The following NAPEPLD variants were observed in gnomAD, a reference collection of about 807,000 sequenced individuals.
The protein encoded by NAPEPLD is N-acyl-phosphatidylethanolamine-hydrolyzing phospholipase D.
A neutral mutation model predicts 38.1 loss-of-function variants in NAPEPLD; 23 were observed. The observed-to-expected ratio is 0.60, with a 90% CI of 0.43 to 0.86. NAPEPLD has a LOEUF of 0.86. NAPEPLD is among the 40% of genes least tolerant of loss of function. NAPEPLD has a pLI of 0.00. For synonymous variants in NAPEPLD, 147 were observed against 162.0 expected (o/e 0.91, Z 0.71); for missense variants, 411 against 476.8 (o/e 0.86, Z 1.28).
chr7:103,128,442 T>C, intron 2 of NAPEPLD, 41 bp downstream of exon 2: 2 of 1,602,318 alleles, frequency 1.2e-6, no homozygotes, highest in Non-Finnish European at 1.7e-6. Context: ...GTGTCATATA[T>C]GAAGAGCAAA....
At chr7:103,106,364 C>A (rs1355949169) in intron 4 of NAPEPLD, among the ~76,000 whole-genome samples, 1 of 148,284 alleles carries the variant, frequency 6.7e-6, no homozygotes. Context: ...TTTTTTTTTT[C>A]ATACCCCAGT....
At chr7:103,134,070 A>G (rs1415469446) in intron 1 of NAPEPLD, among the ~76,000 whole-genome samples, 2 of 152,248 alleles carry the variant, frequency 1.3e-5, no homozygotes, top group African/African-American at 4.8e-5. Context: ...TATACATGAC[A>G]TATAGTGATA....
At chr7:103,107,510 G>T (rs1803614989) in intron 4 of NAPEPLD, among the ~76,000 whole-genome samples, 2 of 152,046 alleles carry the variant, frequency 1.3e-5, no homozygotes, top group Non-Finnish European at 2.9e-5. Flanking sequence ...TTGAAAAAAG[G>T]TTAGACAAAT....
chr7:103,130,949 G>A (rs1330988065), intron 1 of NAPEPLD, among the ~76,000 whole-genome samples: 1 of 152,008 alleles, frequency 6.6e-6, no homozygotes, highest in African/African-American at 2.4e-5. Context: ...CACTTTTTCT[G>A]GGTTATAATT....
chr7:103,142,269 G>T (rs1811567635), intron 1 of NAPEPLD, among the ~76,000 whole-genome samples: 1 of 151,886 alleles, frequency 6.6e-6, no homozygotes, highest in South Asian at 2.1e-4. Context: ...TCCTGAAACT[G>T]CTATACAGTG....
chr7:103,149,936 C>G (rs116118147), upstream of NAPEPLD, among the ~76,000 whole-genome samples: 8,598 of 152,130 alleles, frequency 0.057, 343 homozygotes, highest in African/African-American at 0.11. Context: ...TTGTACAGTA[C>G]GTATTGAATA....
chr7:103,111,430 G>C (rs911706600), intron 4 of NAPEPLD, among the ~76,000 whole-genome samples: 5 of 152,156 alleles, frequency 3.3e-5, no homozygotes, highest in Non-Finnish European at 5.9e-5. Flanking sequence ...CAATGGAACA[G>C]AACAGAGGCC....
intron 4 of NAPEPLD, among the ~76,000 whole-genome samples, chr7:103,104,617 T>G (rs1480278597): frequency 6.6e-6 from 1 of 152,258 alleles, no homozygotes; most frequent in African/African-American, 2.4e-5. Context: ...TTCAACTGAC[T>G]ACTGAGTAAG....
At chr7:103,106,772 CT>C (rs1401193093) in intron 4 of NAPEPLD, among the ~76,000 whole-genome samples, 2 of 150,802 alleles carry the variant, frequency 1.3e-5, no homozygotes, top group African/African-American at 4.9e-5. Flanking sequence ...ATAAATAAAA[CT>C]CCCATCTCCC....
chr7:103,137,805 G>C (rs1336096799), intron 1 of NAPEPLD, among the ~76,000 whole-genome samples: 1 of 101,754 alleles, frequency 9.8e-6, no homozygotes, highest in Non-Finnish European at 1.8e-5. Flanking sequence ...GACAGAGCAA[G>C]ATGCTGTCTC....
chr7:103,105,124 C>T (rs1563343082), intron 4 of NAPEPLD, among the ~76,000 whole-genome samples: 1 of 152,164 alleles, frequency 6.6e-6, no homozygotes, highest in Non-Finnish European at 1.5e-5. Flanking sequence ...TGGAAGATAA[C>T]CCTGGAGGTA....
chr7:103,125,648 C>T (rs1807599308), intron 2 of NAPEPLD, among the ~76,000 whole-genome samples: 4 of 152,008 alleles, frequency 2.6e-5, no homozygotes, highest in South Asian at 4.2e-4. Context: ...TTTGGGAAGC[C>T]GGGGCGGGTG....
At chr7:103,105,562 T>C (rs1223325193) in intron 4 of NAPEPLD, among the ~76,000 whole-genome samples, 1 of 152,238 alleles carries the variant, frequency 6.6e-6, no homozygotes, top group Non-Finnish European at 1.5e-5. Context: ...TTTTAGAGTA[T>C]TGCCAAGTTA....
chr7:103,129,766 C>T (rs751755139), intron 1 of NAPEPLD, among the ~76,000 whole-genome samples: 3 of 152,168 alleles, frequency 2.0e-5, no homozygotes, highest in Non-Finnish European at 2.9e-5. Flanking sequence ...CTCTCTGTAC[C>T]CTGATTTCCT....
Position 103,135,972 on chromosome 7 carries a change from T to C in NAPEPLD, c.-16-7180A>G, listed in dbSNP as rs568345467. On this transcript the variant is annotated intron_variant, in intron 1 of 4. Transcript: ENST00000465647. Reference sequence around the variant, plus strand: ...GTCATTTAAGGAGACCATGAGTTAGTAGTTTAAAGTGCTATACATATGGAA... The same window carrying C: ...GTCATTTAAGGAGACCATGAGTTAGCAGTTTAAAGTGCTATACATATGGAA... 3.9e-5 allele frequency among the ~76,000 whole-genome samples: 6 copies of C among 152,204 alleles called. No individual in the cohort carries two copies. In the South Asian group the frequency reaches 1.2e-3, roughly 32 times the overall value.
At chr7:103,141,422 T>G in intron 1 of NAPEPLD, 1 of 877,010 alleles carries the variant, frequency 1.1e-6, no homozygotes. Context: ...GTGCTCTTCA[T>G]AGCTCTTGTG....
At chr7:103,106,728 T>TTA (rs1554532190) in intron 4 of NAPEPLD, among the ~76,000 whole-genome samples, 1 of 147,826 alleles carries the variant, frequency 6.8e-6, no homozygotes, top group Non-Finnish European at 1.5e-5. Flanking sequence ...AGGGCATCTC[T>TTA]AAAAAAAAAA....
rs1215280076 is a variant in NAPEPLD at position 103,099,834 on chromosome 7, T to C, written c.*3595A>G. 6.6e-6 allele frequency: 1 copy of C among 152,116 alleles called. No individual in the cohort carries two copies. Among genetic ancestry groups the C allele is most frequent in the Non-Finnish European group, 1.5e-5 (1 of 68,020 alleles). The allele number at this position is 152,116 out of a possible 1,614,324, so 9.4% of individuals were successfully genotyped here. A position where few individuals can be genotyped will look rare whatever the true frequency, so the allele number is the denominator to read the frequency against. On this transcript the variant is annotated 3_prime_UTR_variant, in exon 5 of 5. Transcript: ENST00000465647. ...CATCCATATTTTACTTGACTAAAAA[T>C]ACAATGTATGAAAATTTATCTTTAA...
At chr7:103,131,711 G>T (rs1046837108) in intron 1 of NAPEPLD, among the ~76,000 whole-genome samples, 1 of 152,004 alleles carries the variant, frequency 6.6e-6, no homozygotes, top group Non-Finnish European at 1.5e-5. Context: ...GACTATAGAG[G>T]GTTAAAAGAC....
Sources: allele counts gnomAD v4.1 joint callset (sites outside exome capture counted in the v4.1 genomes callset), GRCh38; gene constraint gnomAD v4.1.1; transcripts MANE v1.5; gene names NCBI Gene and HGNC (gene_info 2026-07-23, HGNC 2026-07-21).